KALRN: variants seen among roughly 807,000 people sequenced by gnomAD.
The protein encoded by KALRN is kalirin.
KALRN carries 70 observed loss-of-function variants against 353.7 expected under a neutral mutation model. That is an observed-to-expected ratio of 0.20 (90% CI 0.16 to 0.24). The LOEUF (loss-of-function observed/expected upper bound fraction) is 0.24. Among genes scored for constraint, KALRN ranks in the 10% least tolerant of loss-of-function variants. The probability of loss-of-function intolerance (pLI) is 1.00; values close to 1 mark genes in which losing one functional copy is unlikely to be tolerated. For synonymous variants in KALRN, 1,391 were observed against 1,434.8 expected, an observed-to-expected ratio of 0.97 and a Z score of 0.69; for missense variants, 2,791 against 3,756.7, an observed-to-expected ratio of 0.74 and a Z score of 6.72.
At chr3:124,543,899 T>C (rs1475696754) in intron 33 of KALRN, among the ~76,000 whole-genome samples, 1 of 152,168 alleles carries the variant, frequency 6.6e-6, no homozygotes, top group Non-Finnish European at 1.5e-5. Flanking sequence ...TGGGCAGAGT[T>C]TTCTTTCAAT....
At chr3:124,368,316 C>T (rs1251542238) in intron 10 of KALRN, among the ~76,000 whole-genome samples, 2 of 148,886 alleles carry the variant, frequency 1.3e-5, no homozygotes, top group Non-Finnish European at 3.0e-5. Context: ...GGGGTGGCTG[C>T]CGGGCGGAGG....
At chr3:124,245,144 C>G (rs1468431426) in intron 3 of KALRN, among the ~76,000 whole-genome samples, 1 of 152,160 alleles carries the variant, frequency 6.6e-6, no homozygotes, top group South Asian at 2.1e-4. Flanking sequence ...TGTTCCTTCT[C>G]CCTTCTCTTC....
chr3:124,068,887 G>A (rs2042599253), intron 1 of KALRN, among the ~76,000 whole-genome samples: 1 of 152,220 alleles, frequency 6.6e-6, no homozygotes, highest in African/African-American at 2.4e-5. Context: ...CTGGATGCAT[G>A]AGGTAGTAAT....
chr3:124,565,665 G>A (rs1231221381), intron 34 of KALRN, among the ~76,000 whole-genome samples: 2 of 152,150 alleles, frequency 1.3e-5, no homozygotes, highest in Non-Finnish European at 2.9e-5. Flanking sequence ...TCATCAGGAG[G>A]GACTCAGCTT....
intron 1 of KALRN, among the ~76,000 whole-genome samples, chr3:124,193,743 G>A (rs764909533): frequency 2.0e-5 from 3 of 151,812 alleles, no homozygotes; most frequent in African/African-American, 2.4e-5. Flanking sequence ...ATATGCCCTC[G>A]AGTCTTTGTT....
chr3:124,556,965 T>C (rs1297561835), intron 33 of KALRN, among the ~76,000 whole-genome samples: 1 of 152,262 alleles, frequency 6.6e-6, no homozygotes, highest in Non-Finnish European at 1.5e-5. Context: ...TATATAAGTA[T>C]TTAAGCTATT....
At chr3:124,347,015 C>T (rs2082322463) in intron 9 of KALRN, 128 bp from the exon 10 acceptor site, 2 of 1,391,498 alleles carry the variant, frequency 1.4e-6, no homozygotes, top group African/African-American at 1.4e-5. Flanking sequence ...TGACCATTTC[C>T]ACCTGAACTG....
intron 2 of KALRN, among the ~76,000 whole-genome samples, chr3:124,229,831 T>C (rs1249495252): frequency 6.6e-6 from 1 of 152,222 alleles, no homozygotes; most frequent in Non-Finnish European, 1.5e-5. Flanking sequence ...ATTATTGCCA[T>C]TGCTGTTAGA....
chr3:124,468,592 A>G (rs1213326605), intron 25 of KALRN, among the ~76,000 whole-genome samples: 1 of 152,214 alleles, frequency 6.6e-6, no homozygotes, highest in Non-Finnish European at 1.5e-5. Flanking sequence ...ACGTATGGAA[A>G]ATCATAGAAT....
Position 124,233,888 on chromosome 3 carries a change from C to T in KALRN, c.149-941C>T, listed in dbSNP as rs527484873. 2.1e-3 allele frequency among the ~76,000 whole-genome samples: 326 copies of T among 152,236 alleles called. 2 individuals are homozygous for T. Among genetic ancestry groups the T allele is most frequent in the African/African-American group, 7.7e-3 (319 of 41,540 alleles). ...GTTTTCTTTGTGTAATGGCCAGTGC[C>T]CTGTAAGGTCATAGTTACCCTTAAC... On this transcript the variant is annotated intron_variant, in intron 2 of 59. Coordinates refer to ENST00000682506, the MANE Select transcript of KALRN (RefSeq NM_001388419.1).
intron 1 of KALRN, among the ~76,000 whole-genome samples, chr3:124,102,988 G>A (rs766968985): frequency 2.0e-5 from 3 of 152,190 alleles, no homozygotes; most frequent in Non-Finnish European, 4.4e-5. Context: ...TTAAGTGCTT[G>A]GTTAAAGTCA....
At chr3:124,134,494 G>A (rs889019674) in intron 1 of KALRN, among the ~76,000 whole-genome samples, 2 of 152,120 alleles carry the variant, frequency 1.3e-5, no homozygotes, top group Non-Finnish European at 2.9e-5. Context: ...AAACCCAAAA[G>A]CAAATGCAAT....
Position 124,725,904 on chromosome 3 carries a change from T to C in KALRN, c.*6434T>C, listed in dbSNP as rs2063413098. 6.6e-6 allele frequency: 1 copy of C among 152,198 alleles called. No homozygotes were observed. Among genetic ancestry groups the C allele is most frequent in the Non-Finnish European group, 1.5e-5 (1 of 68,030 alleles). The allele number at this position is 152,198 out of a possible 1,614,324, so 9.4% of individuals were successfully genotyped here. Reference sequence around the variant, plus strand: ...ATTCATAAGTGGACAGGTTTCCCCATAGGGACCATCGCACATATACATATA... The same window carrying C: ...ATTCATAAGTGGACAGGTTTCCCCACAGGGACCATCGCACATATACATATA... On this transcript the variant is annotated 3_prime_UTR_variant, in exon 60 of 60. Transcript: ENST00000682506.
At chr3:124,695,498 G>A (rs2062010711) in intron 53 of KALRN, among the ~76,000 whole-genome samples, 1 of 152,174 alleles carries the variant, frequency 6.6e-6, no homozygotes. Flanking sequence ...AGTGGTTGGT[G>A]AGGATCATGA....
At chr3:124,555,828 C>G (rs191548869) in intron 33 of KALRN, among the ~76,000 whole-genome samples, 3 of 152,236 alleles carry the variant, frequency 2.0e-5, no homozygotes, top group Non-Finnish European at 2.9e-5. Flanking sequence ...ATGAGCAAGA[C>G]GGAATGCTCT....
intron 37 of KALRN, among the ~76,000 whole-genome samples, chr3:124,646,412 A>ATTTTTTTTTTTTTTTT (rs1559758779): frequency 3.2e-5 from 4 of 125,538 alleles, no homozygotes; most frequent in African/African-American, 1.2e-4. Flanking sequence ...TTTTTTTGAG[A>ATTTTTTTTTTTTTTTT]CAGAGCCTTG....
Position 124,329,936 on chromosome 3 carries a change from C to T in KALRN, c.1360C>T (p.Leu454=), listed in dbSNP as rs575848633. The part of the protein sequence containing the change: ...GLPSEMQDLE[L]AIHHHQTLYE... ...GCCATCCGAGATGCAAGACCTAGAG[C>T]TGGCAATCCACCACCACCAGACCTT... Residue 454 remains leucine (L), a synonymous_variant, in exon 8 of 60, where the codon CTG becomes TTG. Coordinates refer to ENST00000682506, the MANE Select transcript of KALRN (RefSeq NM_001388419.1). 159 of 1,613,902 alleles carry T rather than the reference C, an allele frequency of 9.9e-5. No individual in the cohort carries two copies. The South Asian group carries it at 1.7e-3, about 17-fold the overall frequency.
rs150581055 is a variant in KALRN, at chr3:124,658,505, C to T, written c.6111C>T (p.Asp2037=). The T allele has an allele frequency of 1.1e-3, 1,697 of 1,613,798 alleles. 11 individuals are homozygous for T. In the African/African-American group the frequency reaches 0.013, roughly 12 times the overall value. ...PRSEYIVAEY[D]AYFEEVKQEI... ...CAGAGTACATCGTTGCTGAGTATGA[C>T]GCCTACTTTGAGGTAAGCTGTGCAG... The change falls in exon 42 of 60, where the codon GAC becomes GAT. Residue 2037 remains aspartate (D), a synonymous_variant. Coordinates refer to ENST00000682506, the MANE Select transcript of KALRN (RefSeq NM_001388419.1).
intron 10 of KALRN, among the ~76,000 whole-genome samples, chr3:124,380,105 A>G (rs1334028812): frequency 2.6e-5 from 4 of 152,280 alleles, no homozygotes; most frequent in African/African-American, 9.6e-5. Flanking sequence ...TCCCAGGTAT[A>G]AAGCCAAGAT....
Sources: allele counts gnomAD v4.1 joint callset (sites outside exome capture counted in the v4.1 genomes callset), GRCh38; gene constraint gnomAD v4.1.1; transcripts MANE v1.5; gene names NCBI Gene and HGNC (gene_info 2026-07-23, HGNC 2026-07-21).